The following BASP1 variants were observed in gnomAD, a reference collection of about 807,000 sequenced individuals.
BASP1 encodes brain abundant membrane attached signal protein 1.
BASP1 carries 1 observed loss-of-function variant against 2.2 expected under a neutral mutation model. The ratio of observed to expected loss-of-function variants is 0.46; its 90% CI spans 0.16 to 2.17. The LOEUF is 2.17. BASP1 is among the 30% of genes most tolerant of loss of function. BASP1 has a pLI of 0.27. For synonymous variants in BASP1, 187 were observed against 154.2 expected (o/e 1.21, Z -1.58); for missense variants, 352 against 327.2 (o/e 1.08, Z -0.58).
At chr5:17,265,042 G>T (rs1225536120) in intron 1 of BASP1, among the ~76,000 whole-genome samples, 1 of 152,204 alleles carries the variant, frequency 6.6e-6, no homozygotes, top group African/African-American at 2.4e-5. Flanking sequence ...GGCAGTTAAT[G>T]TATGCCAGTG....
intron 1 of BASP1, among the ~76,000 whole-genome samples, chr5:17,245,919 G>A (rs1193744529): frequency 6.6e-6 from 1 of 151,882 alleles, no homozygotes; most frequent in East Asian, 1.9e-4. Context: ...GTAAAACTAG[G>A]GGACAGTAGG....
intron 1 of BASP1, among the ~76,000 whole-genome samples, chr5:17,219,295 G>T (rs756308766): frequency 6.6e-6 from 1 of 152,188 alleles, no homozygotes; most frequent in African/African-American, 2.4e-5. Context: ...CTCCCGAGCC[G>T]AGGAACAAAG....
intron 1 of BASP1, among the ~76,000 whole-genome samples, chr5:17,250,591 T>C (rs1402937932): frequency 6.6e-6 from 1 of 152,076 alleles, no homozygotes; most frequent in African/African-American, 2.4e-5. Context: ...TATTGAAGTT[T>C]ATTTTTATTT....
rs1185585412 is a variant in BASP1 at position 17,236,325 on chromosome 5, G to A, written c.-10+18515G>A. 4.6e-5 allele frequency among the ~76,000 whole-genome samples: 7 copies of A among 152,158 alleles called. No homozygotes were observed. The highest frequency in any genetic ancestry group is 1.4e-4 in the African/African-American group (6 of 41,438). On this transcript the variant is annotated intron_variant, in intron 1 of 1. Transcript: ENST00000322611. This position sits in a 1 kb window ranked among gnomAD's most constrained non-coding sequence, Gnocchi z 4.0. ...GTTGCCCAGGCTGGAGTGTAATGGC[G>A]TGATCTCGGCTCACTGTGGCCTCTG...
At chr5:17,235,761 T>A (rs1160424389) in intron 1 of BASP1, among the ~76,000 whole-genome samples, 1 of 152,204 alleles carries the variant, frequency 6.6e-6, no homozygotes, top group Non-Finnish European at 1.5e-5. Context: ...AACTAGTATT[T>A]TATCATTCCT....
rs1740293585 is a variant in BASP1 at position 17,260,503 on chromosome 5, G to A, written c.-9-14705G>A. 6.6e-6 allele frequency among the ~76,000 whole-genome samples: 1 copy of A among 152,166 alleles called. No homozygotes were observed. The highest frequency in any genetic ancestry group is 2.4e-5 in the African/African-American group (1 of 41,434). Reference sequence around the variant, plus strand: ...TTTAATTATGTGCTGAGTCCCGGTGGCAGAGAGTTTGTGATCATGGATGGC... The same window carrying A: ...TTTAATTATGTGCTGAGTCCCGGTGACAGAGAGTTTGTGATCATGGATGGC... On this transcript the variant is annotated intron_variant, in intron 1 of 1. Transcript: ENST00000322611. The surrounding 1 kb of genome is among the most constrained non-coding windows in gnomAD (Gnocchi z 4.2).
intron 1 of BASP1, among the ~76,000 whole-genome samples, chr5:17,245,816 C>T (rs1739973130): frequency 6.6e-6 from 1 of 152,002 alleles, no homozygotes; most frequent in Non-Finnish European, 1.5e-5. Flanking sequence ...ATACATTGCT[C>T]AGGATAACTC....
chr5:17,263,197 G>A (rs1013744577), intron 1 of BASP1, among the ~76,000 whole-genome samples: 1 of 152,028 alleles, frequency 6.6e-6, no homozygotes, highest in Admixed American at 6.6e-5. Context: ...AAGTTCTTGA[G>A]ATCACTCTGG....
chr5:17,232,391 G>C (rs925214084), intron 1 of BASP1, among the ~76,000 whole-genome samples: 1 of 152,180 alleles, frequency 6.6e-6, no homozygotes, highest in African/African-American at 2.4e-5. Context: ...TAGAAAAGCA[G>C]GTGGCTTGAA....
In BASP1 at chr5:17,275,944, C is replaced by CT; in HGVS notation, c.*44_*45insT. 6 of 1,082,890 alleles carry CT rather than the reference C, an allele frequency of 5.5e-6. No individual in the cohort carries two copies. Among genetic ancestry groups the CT allele is most frequent in the Non-Finnish European group, 7.5e-6 (6 of 796,280 alleles). The allele number at this position is 1,082,890 out of a possible 1,614,324, so 67.1% of individuals were successfully genotyped here. On this transcript the variant is annotated 3_prime_UTR_variant, in exon 2 of 2. Transcript: ENST00000322611. This position sits in a 1 kb window ranked among gnomAD's most constrained non-coding sequence, Gnocchi z 5.3. ...AAAACAATACCACTTAAAACAATCT[C>CT]CTCTCTCTCTCTCTCTCTCTCTCTC...
intron 1 of BASP1, among the ~76,000 whole-genome samples, chr5:17,221,213 A>C (rs1249574237): frequency 6.6e-6 from 1 of 152,196 alleles, no homozygotes; most frequent in Non-Finnish European, 1.5e-5. Flanking sequence ...CATTTATCCC[A>C]GTGTACCTGG....
At chr5:17,252,668 A>C (rs1740126153) in intron 1 of BASP1, among the ~76,000 whole-genome samples, 2 of 152,368 alleles carry the variant, frequency 1.3e-5, no homozygotes, top group Non-Finnish European at 1.5e-5. Context: ...GTTAAGAAAC[A>C]AAAAGACTAT....
chr5:17,239,962 G>A (rs1021644501), intron 1 of BASP1, among the ~76,000 whole-genome samples: 13 of 152,120 alleles, frequency 8.5e-5, no homozygotes, highest in African/African-American at 3.1e-4. Flanking sequence ...CTATGCTATG[G>A]TTTGAATATA....
At chr5:17,237,793 T>C (rs896046834) in intron 1 of BASP1, among the ~76,000 whole-genome samples, 1 of 152,066 alleles carries the variant, frequency 6.6e-6, no homozygotes, top group Non-Finnish European at 1.5e-5. Context: ...GAATTTTTAG[T>C]AGAGACAGTG....
intron 1 of BASP1, among the ~76,000 whole-genome samples, chr5:17,266,814 CAAAAAAAAAAAAA>C (rs70943882): frequency 9.0e-6 from 1 of 111,476 alleles, no homozygotes. Context: ...GATCCTGTCT[CAAAAAAAAAAAAA>C]AAAAAAAAAA....
chr5:17,219,722 A>G (rs1739359845), intron 1 of BASP1, among the ~76,000 whole-genome samples: 1 of 152,198 alleles, frequency 6.6e-6, no homozygotes, highest in Admixed American at 6.5e-5. Flanking sequence ...ATGGCCTACA[A>G]AAACCGGAGA....
At position 17,236,318 on chromosome 5, in the gene BASP1, T is replaced by C. The variant is rs767956879; in HGVS notation, c.-10+18508T>C. Among the ~76,000 whole-genome samples the C allele has an allele frequency of 3.3e-5, 5 of 152,144 alleles. No homozygotes were observed. Among genetic ancestry groups the C allele is most frequent in the African/African-American group, 7.2e-5 (3 of 41,444 alleles). On this transcript the variant is annotated intron_variant, in intron 1 of 1. Coordinates refer to ENST00000322611, the MANE Select transcript of BASP1 (RefSeq NM_006317.5). The surrounding 1 kb of genome is among the most constrained non-coding windows in gnomAD (Gnocchi z 4.0). ...CACTCTTGTTGCCCAGGCTGGAGTGTAATGGCGTGATCTCGGCTCACTGTG... is the reference window on the plus strand; with the variant it reads ...CACTCTTGTTGCCCAGGCTGGAGTGCAATGGCGTGATCTCGGCTCACTGTG...
chr5:17,226,778 G>C (rs1177717937), intron 1 of BASP1, among the ~76,000 whole-genome samples: 1 of 152,150 alleles, frequency 6.6e-6, no homozygotes, highest in Non-Finnish European at 1.5e-5. Flanking sequence ...TAGATGGACA[G>C]GCAGAGAGTT....
chr5:17,230,755 A>G (rs369571467), intron 1 of BASP1, among the ~76,000 whole-genome samples: 19 of 151,844 alleles, frequency 1.3e-4, no homozygotes, highest in African/African-American at 4.3e-4. Flanking sequence ...TTTAGGGGAG[A>G]TGGGGTTTCG....
Sources: allele counts gnomAD v4.1 joint callset (sites outside exome capture counted in the v4.1 genomes callset), GRCh38; gene constraint gnomAD v4.1.1; non-coding constraint Gnocchi (gnomAD v3.1); transcripts MANE v1.5; gene names NCBI Gene and HGNC (gene_info 2026-07-23, HGNC 2026-07-21).